The following ZC3H10 variants were observed in gnomAD, a reference collection of about 807,000 sequenced individuals.
The protein encoded by ZC3H10 is zinc finger CCCH domain-containing protein 10.
Under a neutral mutation model 24.3 loss-of-function variants are expected in ZC3H10, and 12 were observed. The ratio of observed to expected loss-of-function variants is 0.49; its 90% CI spans 0.32 to 0.80. ZC3H10 has a LOEUF of 0.80. Ranked by LOEUF, ZC3H10 falls within the 30% of genes least tolerant of loss-of-function variation. The pLI is 0.04. For missense variants in ZC3H10, 360 were observed against 576.3 expected, an observed-to-expected ratio of 0.62 and a Z score of 3.84; for synonymous variants, 226 against 217.0, an observed-to-expected ratio of 1.04 and a Z score of -0.36.
Position 56,121,399 on chromosome 12 carries a change from C to T in ZC3H10, c.837C>T (p.Ala279=), listed in dbSNP as rs1416814002. The change falls in exon 3 of 3, where the codon GCC becomes GCT. Residue 279 remains alanine (A), a synonymous_variant. Coordinates refer to ENST00000257940, the MANE Select transcript of ZC3H10 (RefSeq NM_032786.3). The surrounding 1 kb of genome is among the most constrained non-coding windows in gnomAD (Gnocchi z 6.2). ...AAAATGCTCAGTTCCGCAATCAGGC[C>T]AAGGTCATAACCCTGAGCTCCACTG... ...LEQNAQFRNQ[A]KVITLSSTAP... is the part of the protein sequence containing the mutation. 2 of 1,613,958 alleles carry T rather than the reference C, an allele frequency of 1.2e-6. No individual in the cohort carries two copies. Among genetic ancestry groups the T allele is most frequent in the Non-Finnish European group, 8.5e-7 (1 of 1,180,000 alleles).
At position 56,121,145 on chromosome 12, in the gene ZC3H10, C is replaced by A. The variant is rs1183551024; in HGVS notation, c.583C>A (p.Leu195Ile). Residue 195 changes from leucine (L) to isoleucine (I), a missense_variant, in exon 3 of 3, where the codon CTT (leucine) becomes ATT (isoleucine). Transcript: ENST00000257940. The surrounding 1 kb of genome is among the most constrained non-coding windows in gnomAD (Gnocchi z 6.2). ...RRHDLYDIYD[L>I]PDRGFEDHEP... ...TCATGATCTCTATGATATCTATGAC[C>A]TTCCTGACAGGGGCTTTGAGGACCA... 4 of 1,614,150 alleles carry A rather than the reference C, an allele frequency of 2.5e-6. No homozygotes were observed. The highest frequency in any genetic ancestry group is 3.4e-6 in the Non-Finnish European group (4 of 1,180,026).
chr12:56,120,429 C>G (rs1326415693), intron 2 of ZC3H10, 82 bp from the exon 3 acceptor site: 1 of 1,394,000 alleles, frequency 7.2e-7, no homozygotes, highest in East Asian at 2.6e-5. Flanking sequence ...GCCATTGCCC[C>G]TCTGGGCCAC....
At position 56,122,018 on chromosome 12, in the gene ZC3H10, G is replaced by A. The variant is rs923761415; in HGVS notation, c.*151G>A. Reference sequence around the variant, plus strand: ...AAGGAGTATGTCCTGAGGAGGGGTTGGGATGGTGTGTTTTCTCTCACCTCC... The same window carrying A: ...AAGGAGTATGTCCTGAGGAGGGGTTAGGATGGTGTGTTTTCTCTCACCTCC... On this transcript the variant is annotated 3_prime_UTR_variant, in exon 3 of 3. Transcript: ENST00000257940. The A allele has an allele frequency of 3.7e-5, 36 of 984,530 alleles. No individual in the cohort carries two copies. Among genetic ancestry groups the A allele is most frequent in the Non-Finnish European group, 4.8e-5 (33 of 681,676 alleles). The allele number at this position is 984,530 out of a possible 1,614,324, so 61.0% of individuals were successfully genotyped here. A position where few individuals can be genotyped will look rare whatever the true frequency, so the allele number is the denominator to read the frequency against.
At position 56,123,872 on chromosome 12, in the gene ZC3H10, C is replaced by T. The variant is rs985226445; in HGVS notation, c.*2005C>T. 1 of 151,898 alleles carries T rather than the reference C, an allele frequency of 6.6e-6. No homozygotes were observed. 9.4% of individuals were successfully genotyped at this position (151,898 alleles called of 1,614,324 possible). On this transcript the variant is annotated 3_prime_UTR_variant, in exon 3 of 3. Transcript: ENST00000257940. ...TTGGGAAATTTTAGACATTGTATGT[C>T]TTGTATGTATTTACTCCAGCTGAAG...
chr12:56,118,473 C>G (rs1869705234), intron 1 of ZC3H10, 155 bp downstream of exon 1: 1 of 152,520 alleles, frequency 6.6e-6, no homozygotes, highest in Non-Finnish European at 1.5e-5. Flanking sequence ...CTGAGTGACC[C>G]CGCATCGCGA....
In ZC3H10 at chr12:56,121,615, A is replaced by G. The variant is rs1177284340; in HGVS notation, c.1053A>G (p.Pro351=). 6.2e-6 allele frequency: 10 copies of G among 1,609,450 alleles called. No homozygotes were observed. Among genetic ancestry groups the G allele is most frequent in the Non-Finnish European group, 8.5e-6 (10 of 1,178,084 alleles). Reference sequence around the variant, plus strand: ...CTAATGCTGCACCTCCTGCTGCTCCACCACCCCCACCCCCACACTTGACCC... The same window carrying G: ...CTAATGCTGCACCTCCTGCTGCTCCGCCACCCCCACCCCCACACTTGACCC... ...PPTNAAPPAA[P]PPPPPHLTPE... is the part of the protein sequence containing the mutation. Residue 351 remains proline (P), a synonymous_variant, in exon 3 of 3, where the codon CCA becomes CCG. Coordinates refer to ENST00000257940, the MANE Select transcript of ZC3H10 (RefSeq NM_032786.3). This position sits in a 1 kb window ranked among gnomAD's most constrained non-coding sequence, Gnocchi z 6.2.
In ZC3H10 at chr12:56,122,243, C is replaced by A. The variant is rs1349822926; in HGVS notation, c.*376C>A. On this transcript the variant is annotated 3_prime_UTR_variant, in exon 3 of 3. Coordinates refer to ENST00000257940, the MANE Select transcript of ZC3H10 (RefSeq NM_032786.3). ...GTTTTAGAAGAAAAAAATACCCTGC[C>A]CAGAGGGAAAGCCAGGAAAGATTGG... 2 of 199,652 alleles carry A rather than the reference C, an allele frequency of 1.0e-5. No homozygotes were observed. The highest frequency in any genetic ancestry group is 2.2e-5 in the Non-Finnish European group (2 of 89,586). 12.4% of individuals were successfully genotyped at this position (199,652 alleles called of 1,614,324 possible).
In ZC3H10 at chr12:56,125,793, T is replaced by C. The variant is rs1592242027; in HGVS notation, c.*3926T>C. ...ATCACTACTTGGCAGTAATTTTTTT[T>C]TTTTTTTTTTGAGACGGAGTATCAC... On this transcript the variant is annotated 3_prime_UTR_variant, in exon 3 of 3. Coordinates refer to ENST00000257940, the MANE Select transcript of ZC3H10 (RefSeq NM_032786.3). 6.6e-6 allele frequency: 1 copy of C among 151,396 alleles called. No individual in the cohort carries two copies. The highest frequency in any genetic ancestry group is 1.9e-4 in the East Asian group (1 of 5,178). The allele number at this position is 151,396 out of a possible 1,614,324, so 9.4% of individuals were successfully genotyped here. A position where few individuals can be genotyped will look rare whatever the true frequency, so the allele number is the denominator to read the frequency against.
Position 56,121,676 on chromosome 12 carries a change from A to C in ZC3H10, c.1114A>C (p.Thr372Pro). 1 of 1,613,922 alleles carries C rather than the reference A, an allele frequency of 6.2e-7. No individual in the cohort carries two copies. The highest frequency in any genetic ancestry group is 8.5e-7 in the Non-Finnish European group (1 of 1,179,978). ...ITPLSAALAQTIAQGMAPPPV... is the reference protein window; with the variant it reads ...ITPLSAALAQPIAQGMAPPPV... The stretch of plus-strand genomic sequence containing the variant: ...GCCACTGTCAGCTGCCCTGGCTCAA[A>C]CAATTGCCCAGGGAATGGCACCTCC... Residue 372 changes from threonine to proline, a missense_variant, in exon 3 of 3, where the codon ACA becomes CCA. By Grantham distance (38) the Thr-to-Pro change is conservative. This residue lies in a region of ZC3H10 where 133 missense variants were observed against 256.7 expected (regional missense o/e 0.52). Coordinates refer to ENST00000257940, the MANE Select transcript of ZC3H10 (RefSeq NM_032786.3). This position sits in a 1 kb window ranked among gnomAD's most constrained non-coding sequence, Gnocchi z 6.2.
rs1869950961 is a variant in ZC3H10 at position 56,125,037 on chromosome 12, G to A, written c.*3170G>A. ...CAGCAGTTCTATGTTCTGCCTAAGT[G>A]TAACCACTTAGTAGTGTGTTGTTCT... On this transcript the variant is annotated 3_prime_UTR_variant, in exon 3 of 3. Coordinates refer to ENST00000257940, the MANE Select transcript of ZC3H10 (RefSeq NM_032786.3). The A allele has an allele frequency of 1.3e-5, 2 of 152,080 alleles. No homozygotes were observed. The highest frequency in any genetic ancestry group is 4.8e-5 in the African/African-American group (2 of 41,384). 9.4% of individuals were successfully genotyped at this position (152,080 alleles called of 1,614,324 possible).
chr12:56,124,162 G>A lies in ZC3H10; in HGVS notation c.*2295G>A, dbSNP rs1449839788. ...CAGACAAGTGAACCTAAGCACAGTC[G>A]ATGATGAAGTCACTCACTAGCTGGG... On this transcript the variant is annotated 3_prime_UTR_variant, in exon 3 of 3. Transcript: ENST00000257940. 1 of 152,218 alleles carries A rather than the reference G, an allele frequency of 6.6e-6. No individual in the cohort carries two copies. Among genetic ancestry groups the A allele is most frequent in the East Asian group, 1.9e-4 (1 of 5,202 alleles). The allele number at this position is 152,218 out of a possible 1,614,324, so 9.4% of individuals were successfully genotyped here.
intron 2 of ZC3H10, chr12:56,120,088 A>G: frequency 2.5e-6 from 1 of 408,082 alleles, no homozygotes. Context: ...AAAGGGGGTT[A>G]AGGAAGTTTT....
chr12:56,121,327 G>A lies in ZC3H10; in HGVS notation c.765G>A (p.Lys255=). The change falls in exon 3 of 3, where the codon AAG becomes AAA. Residue 255 remains lysine (K), a synonymous_variant. Transcript: ENST00000257940. The surrounding 1 kb of genome is among the most constrained non-coding windows in gnomAD (Gnocchi z 6.2). ...TCAGGAAGCGGGTAGAGGAGTTAAAGAAGCAGGTCAGCAACCTGCTGGCCA... is the reference window on the plus strand; with the variant it reads ...TCAGGAAGCGGGTAGAGGAGTTAAAAAAGCAGGTCAGCAACCTGCTGGCCA... ...AMLRKRVEEL[K]KQVSNLLATN... is the part of the protein sequence containing the mutation. 1.2e-6 allele frequency: 2 copies of A among 1,613,906 alleles called. No individual in the cohort carries two copies. Among genetic ancestry groups the A allele is most frequent in the Non-Finnish European group, 1.7e-6 (2 of 1,180,022 alleles).
Position 56,120,608 on chromosome 12 carries a change from G to A in ZC3H10, c.46G>A (p.Gly16Arg), listed in dbSNP as rs1198666786. The A allele has an allele frequency of 6.3e-7, 1 of 1,587,274 alleles. No homozygotes were observed. Among genetic ancestry groups the A allele is most frequent in the South Asian group, 1.1e-5 (1 of 87,070 alleles). ...TGCCAACGGTACCGGGAGCAGCGGT[G>A]GAGGCCCTGGAGGTGGTGGCAGCGA... ...SYANGTGSSG[G>R]GPGGGGSEEA... is the part of the protein sequence containing the mutation. Residue 16 changes from glycine (G) to arginine (R), a missense_variant, in exon 3 of 3, where the codon GGA (glycine) becomes AGA (arginine). Coordinates refer to ENST00000257940, the MANE Select transcript of ZC3H10 (RefSeq NM_032786.3).
chr12:56,127,189 A>G lies in ZC3H10; in HGVS notation c.*5322A>G, dbSNP rs902466789. 9 of 152,226 alleles carry G rather than the reference A, an allele frequency of 5.9e-5. No homozygotes were observed. Among genetic ancestry groups the G allele is most frequent in the Non-Finnish European group, 1.2e-4 (8 of 68,036 alleles). The allele number at this position is 152,226 out of a possible 1,614,324, so 9.4% of individuals were successfully genotyped here. A position where few individuals can be genotyped will look rare whatever the true frequency, so the allele number is the denominator to read the frequency against. On this transcript the variant is annotated 3_prime_UTR_variant, in exon 3 of 3. Transcript: ENST00000257940. ...CTCTAACGCCAGTTAACTAGTAACA[A>G]TAGTCATCGGTGTACCCTGCACTTT...
At chr12:56,119,403 T>C (rs1251847241) in intron 2 of ZC3H10, 1 of 152,170 alleles carries the variant, frequency 6.6e-6, no homozygotes, top group African/African-American at 2.4e-5. Context: ...CTGGTTTGGT[T>C]AGTTCATTTT....
In ZC3H10 at chr12:56,121,080, C is replaced by T. The variant is rs1224795877; in HGVS notation, c.518C>T (p.Thr173Ile). ...FEFDARGGGG[T>I]GGGSTGSVLP... Reference sequence around the variant, plus strand: ...TTTGATGCTCGGGGTGGAGGAGGCACTGGTGGGGGCTCAACAGGCTCAGTC... The same window carrying T: ...TTTGATGCTCGGGGTGGAGGAGGCATTGGTGGGGGCTCAACAGGCTCAGTC... The change falls in exon 3 of 3, where the codon ACT (threonine) becomes ATT (isoleucine). Residue 173 changes from threonine to isoleucine, a missense_variant. Physicochemically the swap from Thr to Ile is moderately conservative, Grantham distance 89. Transcript: ENST00000257940. This position sits in a 1 kb window ranked among gnomAD's most constrained non-coding sequence, Gnocchi z 6.2. 2.5e-6 allele frequency: 4 copies of T among 1,614,190 alleles called. No homozygotes were observed. The highest frequency in any genetic ancestry group is 2.2e-5 in the South Asian group (2 of 91,088).
At position 56,121,837 on chromosome 12, in the gene ZC3H10, G is replaced by A; in HGVS notation, c.1275G>A (p.Gln425=). 6.2e-7 allele frequency: 1 copy of A among 1,613,256 alleles called. No individual in the cohort carries two copies. The highest frequency in any genetic ancestry group is 8.5e-7 in the Non-Finnish European group (1 of 1,179,460). The change falls in exon 3 of 3, where the codon CAG becomes CAA. Residue 425 remains glutamine (Q), a synonymous_variant. Transcript: ENST00000257940. The surrounding 1 kb of genome is among the most constrained non-coding windows in gnomAD (Gnocchi z 6.2). ...TGGTGACTTACCCTATCGCTTCCCA[G>A]AGCATGCGCATCACGGCCATGCCAC... The part of the protein sequence containing the change: ...TPMVTYPIAS[Q]SMRITAMPH
rs1456379962 is a variant in ZC3H10, at chr12:56,126,894, T to G, written c.*5027T>G. ...ATAGAGGCTGAGCAGGGACAGGTTT[T>G]AAGCAGCTTTGGTAAACACAGGCTG... On this transcript the variant is annotated 3_prime_UTR_variant, in exon 3 of 3. Coordinates refer to ENST00000257940, the MANE Select transcript of ZC3H10 (RefSeq NM_032786.3). 6.6e-6 allele frequency: 1 copy of G among 152,194 alleles called. No homozygotes were observed. The highest frequency in any genetic ancestry group is 1.5e-5 in the Non-Finnish European group (1 of 68,032). The allele number at this position is 152,194 out of a possible 1,614,324, so 9.4% of individuals were successfully genotyped here.
Sources: gnomAD v4.1 joint callset for allele counts on GRCh38, gnomAD v4.1.1 for gene constraint, gnomAD v4.1.1 regional missense constraint, Gnocchi (gnomAD v3.1) non-coding constraint, MANE v1.5 for transcripts, NCBI Gene and HGNC (gene_info 2026-07-23, HGNC 2026-07-21) for gene names.